TRIM67: variants seen among roughly 807,000 people sequenced by gnomAD.
TRIM67 encodes tripartite motif-containing protein 67.
TRIM67 carries 39 observed loss-of-function variants against 71.0 expected under a neutral mutation model. That is an observed-to-expected ratio of 0.55 (90% confidence interval 0.43 to 0.72). The LOEUF is 0.72. Among genes scored for constraint, TRIM67 ranks in the 30% least tolerant of loss-of-function variants. The probability of loss-of-function intolerance (pLI) is 0.00; values close to 1 mark genes in which losing one functional copy is unlikely to be tolerated. For missense variants in TRIM67, 973 were observed against 1,079.2 expected (o/e 0.90, Z 1.38); for synonymous variants, 481 against 473.9 (o/e 1.01, Z -0.19).
chr1:231,200,293 C>T (rs1307980780), intron 4 of TRIM67, 35 bp downstream of exon 4: 1 of 1,416,280 alleles, frequency 7.1e-7, no homozygotes, highest in Non-Finnish European at 1.0e-6. Context: ...AAGTGGGCTT[C>T]CTCCAACTGT....
At chr1:231,194,085 CCAG>C (rs1683306255) in intron 1 of TRIM67, among the ~76,000 whole-genome samples, 1 of 152,232 alleles carries the variant, frequency 6.6e-6, no homozygotes, top group Non-Finnish European at 1.5e-5. Context: ...CTTCTAGCCT[CCAG>C]AACTCTGAGA....
At chr1:231,193,503 G>GCTCGCTCTCT (rs1553325672) in intron 1 of TRIM67, among the ~76,000 whole-genome samples, 3 of 81,998 alleles carry the variant, frequency 3.7e-5, no homozygotes, top group East Asian at 7.1e-4. Flanking sequence ...TCTCTCTCAA[G>GCTCGCTCTCT]CTCTCTCTCT....
chr1:231,163,315 A>G lies in TRIM67; in HGVS notation c.346A>G (p.Thr116Ala). The change falls in exon 1 of 10, where the codon ACC becomes GCC. Residue 116 changes from threonine to alanine, a missense_variant. Transcript: ENST00000366653. ...SETDSGYGSY[T>A]PSLKSPNGVR... Reference sequence around the variant, plus strand: ...GACAGACAGCGGCTACGGGTCCTACACCCCGAGCCTCAAGTCCCCCAACGG... The same window carrying G: ...GACAGACAGCGGCTACGGGTCCTACGCCCCGAGCCTCAAGTCCCCCAACGG... The G allele has an allele frequency of 6.6e-7, 1 of 1,519,414 alleles. No individual in the cohort carries two copies. Among genetic ancestry groups the G allele is most frequent in the Non-Finnish European group, 8.8e-7 (1 of 1,132,598 alleles). The allele number at this position is 1,519,414 out of a possible 1,614,324, so 94.1% of individuals were successfully genotyped here.
chr1:231,164,326 A>G (rs1249089583), intron 1 of TRIM67, among the ~76,000 whole-genome samples: 1 of 152,152 alleles, frequency 6.6e-6, no homozygotes, highest in African/African-American at 2.4e-5. Context: ...TTTACTCCCA[A>G]CGTCTGACTA....
chr1:231,201,945 G>A (rs1683536894), intron 5 of TRIM67, among the ~76,000 whole-genome samples: 1 of 152,264 alleles, frequency 6.6e-6, no homozygotes, highest in East Asian at 1.9e-4. Context: ...GGTGGCAGGT[G>A]CTATGAAGAG....
chr1:231,185,134 T>C (rs549405924), intron 1 of TRIM67: 3 of 1,532,752 alleles, frequency 2.0e-6, no homozygotes, highest in South Asian at 1.2e-5. Flanking sequence ...GCTGGCTCAA[T>C]GGGAAGTGTG....
At position 231,169,604 on chromosome 1, in the gene TRIM67, C is replaced by T. The variant is rs564189082; in HGVS notation, c.1044+5591C>T. Reference sequence around the variant, plus strand: ...ATGTTGGTCAGGCTGGTCTCAATCTCCTGACCCCAGGTGATCCACCTGCCT... The same window carrying T: ...ATGTTGGTCAGGCTGGTCTCAATCTTCTGACCCCAGGTGATCCACCTGCCT... On this transcript the variant is annotated intron_variant, in intron 1 of 9. Coordinates refer to ENST00000366653, the MANE Select transcript of TRIM67 (RefSeq NM_001004342.5). Among the ~76,000 whole-genome samples, 9 of 152,128 alleles carry T rather than the reference C, an allele frequency of 5.9e-5. No individual in the cohort carries two copies. In the South Asian group the frequency reaches 8.3e-4, roughly 14 times the overall value.
chr1:231,192,192 C>T (rs1316722235), intron 1 of TRIM67, among the ~76,000 whole-genome samples: 1 of 145,656 alleles, frequency 6.9e-6, no homozygotes, highest in Non-Finnish European at 1.5e-5. Flanking sequence ...GTCTCTCTCT[C>T]ACTCTCCCTG....
Position 231,219,696 on chromosome 1 carries a change from T to C in TRIM67, c.*4256T>C, listed in dbSNP as rs1050142634. On this transcript the variant is annotated 3_prime_UTR_variant, in exon 10 of 10. Coordinates refer to ENST00000366653, the MANE Select transcript of TRIM67 (RefSeq NM_001004342.5). Reference sequence around the variant, plus strand: ...TTCTTAATGGGTTTGTGGCCCTCAATTGGTTTTTAAAAAAATCTAACAGAT... The same window carrying C: ...TTCTTAATGGGTTTGTGGCCCTCAACTGGTTTTTAAAAAAATCTAACAGAT... 1.1e-5 allele frequency: 13 copies of C among 1,185,714 alleles called. No homozygotes were observed. The highest frequency in any genetic ancestry group is 3.2e-5 in the African/African-American group (2 of 62,494). 73.4% of individuals were successfully genotyped at this position (1,185,714 alleles called of 1,614,324 possible).
chr1:231,165,179 A>T (rs1571865185), intron 1 of TRIM67, among the ~76,000 whole-genome samples: 1 of 152,154 alleles, frequency 6.6e-6, no homozygotes, highest in Non-Finnish European at 1.5e-5. Context: ...GAGGCCAGGG[A>T]AGCTGATAAA....
Position 231,220,919 on chromosome 1 carries a change from G to A in TRIM67, c.*5479G>A, listed in dbSNP as rs886455358. ...AAAACCAGGCTTCAGGTTCGGGAAGGTGACTGCTTGCAACTGCAGTAGCAG... is the reference window on the plus strand; with the variant it reads ...AAAACCAGGCTTCAGGTTCGGGAAGATGACTGCTTGCAACTGCAGTAGCAG... On this transcript the variant is annotated 3_prime_UTR_variant, in exon 10 of 10. Transcript: ENST00000366653. 6.6e-6 allele frequency: 1 copy of A among 152,382 alleles called. No individual in the cohort carries two copies. Among genetic ancestry groups the A allele is most frequent in the Non-Finnish European group, 1.5e-5 (1 of 68,184 alleles). The allele number at this position is 152,382 out of a possible 1,614,324, so 9.4% of individuals were successfully genotyped here.
Position 231,204,351 on chromosome 1 carries a change from A to T in TRIM67, c.1680+339A>T, listed in dbSNP as rs552421678. On this transcript the variant is annotated intron_variant, in intron 6 of 9. Coordinates refer to ENST00000366653, the MANE Select transcript of TRIM67 (RefSeq NM_001004342.5). ...TCTTGTCTCATCCTCTAATTATTTC[A>T]CCCGGCTCTGTCTTGTCTTGGGAGG... Among the ~76,000 whole-genome samples the T allele has an allele frequency of 2.6e-5, 4 of 151,762 alleles. No individual in the cohort carries two copies. The South Asian group carries it at 6.3e-4, about 24-fold the overall frequency.
Position 231,219,852 on chromosome 1 carries a change from C to G in TRIM67, c.*4412C>G. 7.8e-7 allele frequency: 1 copy of G among 1,289,568 alleles called. No individual in the cohort carries two copies. Among genetic ancestry groups the G allele is most frequent in the Non-Finnish European group, 1.0e-6 (1 of 988,764 alleles). The allele number at this position is 1,289,568 out of a possible 1,614,324, so 79.9% of individuals were successfully genotyped here. ...CCCAGAAGATCAAAGGATCCTGCAG[C>G]TTTAACCTAATATCTAGGCTGTAAA... On this transcript the variant is annotated 3_prime_UTR_variant, in exon 10 of 10. Transcript: ENST00000366653.
At chr1:231,212,707 A>G (rs1161818345) in intron 8 of TRIM67, among the ~76,000 whole-genome samples, 1 of 152,216 alleles carries the variant, frequency 6.6e-6, no homozygotes, top group Non-Finnish European at 1.5e-5. Context: ...AGGGAGAAAC[A>G]GCCACTCTAA....
Position 231,219,386 on chromosome 1 carries a change from T to C in TRIM67, c.*3946T>C. 2.0e-6 allele frequency: 2 copies of C among 993,820 alleles called. No homozygotes were observed. The highest frequency in any genetic ancestry group is 5.7e-5 in the Admixed American group (1 of 17,422). 61.6% of individuals were successfully genotyped at this position (993,820 alleles called of 1,614,324 possible). A position where few individuals can be genotyped will look rare whatever the true frequency, so the allele number is the denominator to read the frequency against. Reference sequence around the variant, plus strand: ...GGTTATGCCAGTGGTTTGTCATGCATGGATCTGTAGAGGGACTGTGGCGCT... The same window carrying C: ...GGTTATGCCAGTGGTTTGTCATGCACGGATCTGTAGAGGGACTGTGGCGCT... On this transcript the variant is annotated 3_prime_UTR_variant, in exon 10 of 10. Transcript: ENST00000366653.
chr1:231,176,717 T>G (rs928142354), intron 1 of TRIM67, among the ~76,000 whole-genome samples: 1 of 151,622 alleles, frequency 6.6e-6, no homozygotes, highest in Admixed American at 6.6e-5. Flanking sequence ...CTGGAGACAA[T>G]GGGGGAAAAG....
intron 8 of TRIM67, among the ~76,000 whole-genome samples, chr1:231,211,608 A>G (rs540617093): frequency 2.0e-5 from 3 of 152,118 alleles, no homozygotes; most frequent in Non-Finnish European, 4.4e-5. Context: ...CCTTCTCCGG[A>G]AACACCTGTC....
chr1:231,206,607 T>C, intron 6 of TRIM67, 45 bp from the exon 7 acceptor site: 1 of 1,499,210 alleles, frequency 6.7e-7, no homozygotes, highest in Non-Finnish European at 8.9e-7. Context: ...AGAGGAGCTT[T>C]CCAAATGCTA....
chr1:231,197,030 A>T (rs2102745414), intron 1 of TRIM67, among the ~76,000 whole-genome samples: 1 of 152,316 alleles, frequency 6.6e-6, no homozygotes, highest in East Asian at 1.9e-4. Flanking sequence ...TTATGGATAG[A>T]GGGGGCCAGG....
Sources: allele counts gnomAD v4.1 joint callset (sites outside exome capture counted in the v4.1 genomes callset), GRCh38; gene constraint gnomAD v4.1.1; transcripts MANE v1.5; gene names NCBI Gene and HGNC (gene_info 2026-07-23, HGNC 2026-07-21).